CSNK2A1: variants seen among roughly 807,000 people sequenced by gnomAD.
CSNK2A1 encodes casein kinase II subunit alpha.
A neutral mutation model predicts 62.9 loss-of-function variants in CSNK2A1; 10 were observed. The observed-to-expected ratio is 0.16, with a 90% CI of 0.10 to 0.27. CSNK2A1 has a LOEUF of 0.27. Among genes scored for constraint, CSNK2A1 ranks in the 10% least tolerant of loss-of-function variants. CSNK2A1 has a pLI of 1.00. For missense variants in CSNK2A1, 160 were observed against 492.0 expected (o/e 0.33, Z 6.38); for synonymous variants, 124 against 167.8 (o/e 0.74, Z 2.02).
chr20:474,606 T>C lies in CSNK2A1; in HGVS notation c.*9355A>G, dbSNP rs1012192103. On this transcript the variant is annotated 3_prime_UTR_variant, in exon 14 of 14. Coordinates refer to ENST00000217244, the MANE Select transcript of CSNK2A1 (RefSeq NM_177559.3). ...TACTGCTACTATCTTAACAATAATT[T>C]AAAAAATCTCAAAATAACATGCAAC... The C allele has an allele frequency of 6.6e-6, 1 of 152,242 alleles. No homozygotes were observed. The highest frequency in any genetic ancestry group is 2.4e-5 in the African/African-American group (1 of 41,464). 9.4% of individuals were successfully genotyped at this position (152,242 alleles called of 1,614,324 possible). A position where few individuals can be genotyped will look rare whatever the true frequency, so the allele number is the denominator to read the frequency against.
chr20:484,749 G>A (rs977310088), intron 13 of CSNK2A1, among the ~76,000 whole-genome samples: 2 of 151,414 alleles, frequency 1.3e-5, no homozygotes, highest in African/African-American at 4.9e-5. Flanking sequence ...ACATTCACAT[G>A]GTTCAAAATA....
chr20:493,164 C>T (rs915885679), intron 8 of CSNK2A1, among the ~76,000 whole-genome samples: 1 of 152,206 alleles, frequency 6.6e-6, no homozygotes, highest in Non-Finnish European at 1.5e-5. Flanking sequence ...CTCATCCTGT[C>T]ATACAAGCCA....
At chr20:520,095 A>G (rs1189302625) in intron 2 of CSNK2A1, among the ~76,000 whole-genome samples, 4 of 152,166 alleles carry the variant, frequency 2.6e-5, no homozygotes, top group Non-Finnish European at 5.9e-5. Context: ...AATCCAAAAG[A>G]ATGTTAAGAA....
intron 1 of CSNK2A1, among the ~76,000 whole-genome samples, chr20:536,407 A>G (rs963414949): frequency 6.6e-6 from 1 of 152,258 alleles, no homozygotes; most frequent in Admixed American, 6.5e-5. Flanking sequence ...TCCTGAGATA[A>G]TACTAGCTAG....
At chr20:491,536 T>C (rs2018235174) in intron 9 of CSNK2A1, among the ~76,000 whole-genome samples, 2 of 152,036 alleles carry the variant, frequency 1.3e-5, no homozygotes. Flanking sequence ...CTGGGTGTGG[T>C]AGTGCACGCC....
chr20:516,678 C>T (rs961488925), intron 2 of CSNK2A1, among the ~76,000 whole-genome samples: 2 of 152,076 alleles, frequency 1.3e-5, no homozygotes, highest in Admixed American at 1.3e-4. Context: ...AGTAACAGTC[C>T]AATACCAGAA....
intron 3 of CSNK2A1, among the ~76,000 whole-genome samples, 195 bp from the exon 4 acceptor site, chr20:505,424 A>G (rs896001621): frequency 1.6e-5 from 2 of 126,960 alleles, no homozygotes; most frequent in African/African-American, 6.2e-5. Context: ...CAGTGGCGCG[A>G]TCTCTGCTGA....
chr20:505,774 C>T (rs1396137328), intron 3 of CSNK2A1: 1 of 151,270 alleles, frequency 6.6e-6, no homozygotes, highest in African/African-American at 2.4e-5. Flanking sequence ...AAACTGTTTA[C>T]ATCTTTATTG....
chr20:477,646 T>C lies in CSNK2A1; in HGVS notation c.*6315A>G, dbSNP rs563026345. 1.3e-5 allele frequency: 2 copies of C among 152,382 alleles called. No homozygotes were observed. The highest frequency in any genetic ancestry group is 1.9e-4 in the East Asian group (1 of 5,178). 9.4% of individuals were successfully genotyped at this position (152,382 alleles called of 1,614,324 possible). ...CTGGGGGCATTCAAACCCTAGTCCA[T>C]AGCCTGAGGCCCACCTATACCCAGA... On this transcript the variant is annotated 3_prime_UTR_variant, in exon 14 of 14. Transcript: ENST00000217244.
intron 12 of CSNK2A1, chr20:487,192 C>T: frequency 1.7e-6 from 1 of 574,084 alleles, no homozygotes; most frequent in South Asian, 2.5e-5. Flanking sequence ...GAAGTGTCAT[C>T]CTCACAGTAT....
chr20:501,288 C>T (rs926937976), intron 4 of CSNK2A1: 1 of 152,272 alleles, frequency 6.6e-6, no homozygotes, highest in African/African-American at 2.4e-5. Context: ...TCGTCTCGAA[C>T]TCCTGACCTC....
rs1279547591 is a variant in CSNK2A1 at position 482,196 on chromosome 20, A to G, written c.*1765T>C. On this transcript the variant is annotated 3_prime_UTR_variant, in exon 14 of 14. Coordinates refer to ENST00000217244, the MANE Select transcript of CSNK2A1 (RefSeq NM_177559.3). ...CTAGGCGAGAAAGGCCTGTGAATCT[A>G]TAAGGTAGGAGAATGGGGAACTAAG... 2.0e-5 allele frequency: 3 copies of G among 152,208 alleles called. No homozygotes were observed. Among genetic ancestry groups the G allele is most frequent in the African/African-American group, 4.8e-5 (2 of 41,454 alleles). The allele number at this position is 152,208 out of a possible 1,614,324, so 9.4% of individuals were successfully genotyped here.
chr20:485,043 G>A (rs1213033708), intron 13 of CSNK2A1, among the ~76,000 whole-genome samples: 1 of 106,218 alleles, frequency 9.4e-6, no homozygotes, highest in Middle Eastern at 7.9e-3. Flanking sequence ...TCCAGCCTTG[G>A]CCACAGAGCA....
chr20:542,880 G>A (rs2019483437), intron 1 of CSNK2A1, among the ~76,000 whole-genome samples: 1 of 152,128 alleles, frequency 6.6e-6, no homozygotes, highest in South Asian at 2.1e-4. Context: ...AACTTCTCCT[G>A]ACCCTGACTC....
rs2018100989 is a variant in CSNK2A1, at chr20:486,439, G to A, written c.997C>T (p.Arg333Ter). Residue 333 changes from arginine (R) to a stop codon, truncating the protein, a stop_gained, in exon 13 of 14, where the codon CGA becomes TGA. Transcript: ENST00000217244. LOFTEE classifies it high-confidence loss of function. The stretch of plus-strand genomic sequence containing the variant: ...CCTGGCATGCTAGATGAACCCATTC[G>A]AGCCTGGTCCTTCACAACAGTGTCT... Reference protein sequence around the residue: ...YFYTVVKDQARMGSSSMPGGS... With the variant: ...YFYTVVKDQA 2 of 1,613,068 alleles carry A rather than the reference G, an allele frequency of 1.2e-6. No individual in the cohort carries two copies. The highest frequency in any genetic ancestry group is 8.5e-7 in the Non-Finnish European group (1 of 1,179,728).
chr20:528,564 C>T (rs1179413888), intron 1 of CSNK2A1, among the ~76,000 whole-genome samples: 4 of 152,068 alleles, frequency 2.6e-5, no homozygotes, highest in Admixed American at 1.3e-4. Context: ...CATAGGCATA[C>T]ACTACTGTCC....
chr20:534,310 T>C (rs1783775504), intron 1 of CSNK2A1, among the ~76,000 whole-genome samples: 1 of 152,206 alleles, frequency 6.6e-6, no homozygotes, highest in African/African-American at 2.4e-5. Flanking sequence ...TCCAAAACAC[T>C]ATAATAAAAT....
intron 2 of CSNK2A1, among the ~76,000 whole-genome samples, chr20:517,293 A>T (rs1258676987): frequency 6.6e-6 from 1 of 152,252 alleles, no homozygotes; most frequent in Non-Finnish European, 1.5e-5. Context: ...AAATGTCCAT[A>T]CTTAACCTTA....
rs1383611372 is a variant in CSNK2A1, at chr20:477,028, C to T, written c.*6933G>A. ...GCCTCAGCCTCCAGAGTAGCTAGCACTACAGGCATGTGCCACCACATCCAG... is the reference window on the plus strand; with the variant it reads ...GCCTCAGCCTCCAGAGTAGCTAGCATTACAGGCATGTGCCACCACATCCAG... On this transcript the variant is annotated 3_prime_UTR_variant, in exon 14 of 14. Coordinates refer to ENST00000217244, the MANE Select transcript of CSNK2A1 (RefSeq NM_177559.3). 6.6e-6 allele frequency: 1 copy of T among 152,422 alleles called. No individual in the cohort carries two copies. Among genetic ancestry groups the T allele is most frequent in the Non-Finnish European group, 1.5e-5 (1 of 68,476 alleles). 9.4% of individuals were successfully genotyped at this position (152,422 alleles called of 1,614,324 possible). A position where few individuals can be genotyped will look rare whatever the true frequency, so the allele number is the denominator to read the frequency against.
Sources: gnomAD v4.1 joint callset for allele counts (sites outside exome capture counted in the v4.1 genomes callset) on GRCh38, gnomAD v4.1.1 for gene constraint, MANE v1.5 for transcripts, NCBI Gene and HGNC (gene_info 2026-07-23, HGNC 2026-07-21) for gene names.